FSTL5: variants seen among roughly 807,000 people sequenced by gnomAD.
The protein encoded by FSTL5 is follistatin-related protein 5.
In FSTL5, 62 loss-of-function variants were observed where a neutral mutation model predicts 89.1. The observed-to-expected ratio is 0.70, with a 90% CI of 0.57 to 0.86. The LOEUF (loss-of-function observed/expected upper bound fraction) is 0.86. Ranked by LOEUF, FSTL5 falls within the 40% of genes least tolerant of loss-of-function variation. FSTL5 has a pLI of 0.00. For synonymous variants in FSTL5, 383 were observed against 346.2 expected (o/e 1.11, Z -1.18); for missense variants, 1,057 against 1,001.6 (o/e 1.06, Z -0.75).
chr4:162,084,939 CT>C (rs1011825921), intron 2 of FSTL5, among the ~76,000 whole-genome samples: 1 of 151,912 alleles, frequency 6.6e-6, no homozygotes, highest in Non-Finnish European at 1.5e-5. Context: ...CATATTTAAA[CT>C]TTTAAATGTA....
chr4:161,923,372 T>A (rs1734043359), intron 3 of FSTL5, among the ~76,000 whole-genome samples: 1 of 151,762 alleles, frequency 6.6e-6, no homozygotes, highest in South Asian at 2.1e-4. Context: ...AGTAGAAAAA[T>A]ACTTTAATGT....
chr4:161,418,256 T>C (rs1731854074), intron 15 of FSTL5, among the ~76,000 whole-genome samples: 1 of 152,124 alleles, frequency 6.6e-6, no homozygotes, highest in African/African-American at 2.4e-5. Context: ...GCCAGGATAA[T>C]CTCTGTCCGC....
chr4:162,102,200 G>GA (rs1027114568), intron 2 of FSTL5, among the ~76,000 whole-genome samples: 9 of 146,962 alleles, frequency 6.1e-5, no homozygotes, highest in Middle Eastern at 3.5e-3. Context: ...AAGTCCAACA[G>GA]AAAAAAAAAA....
chr4:161,842,123 T>C (rs2126872577), intron 4 of FSTL5, among the ~76,000 whole-genome samples: 1 of 152,246 alleles, frequency 6.6e-6, no homozygotes, highest in Admixed American at 6.5e-5. Flanking sequence ...TGATGGTGAT[T>C]ATTGTATTTT....
intron 15 of FSTL5, among the ~76,000 whole-genome samples, chr4:161,435,010 T>C (rs1038735464): frequency 1.3e-5 from 2 of 152,206 alleles, no homozygotes; most frequent in Admixed American, 6.5e-5. Context: ...GGGAATAGTT[T>C]GGAAGTCCCT....
chr4:161,843,838 A>C (rs1731284590), intron 4 of FSTL5, among the ~76,000 whole-genome samples: 1 of 152,150 alleles, frequency 6.6e-6, no homozygotes, highest in Admixed American at 6.6e-5. Context: ...ACCATAAAAA[A>C]ACCCTAGAAG....
intron 2 of FSTL5, among the ~76,000 whole-genome samples, chr4:162,079,313 C>A (rs1281212301): frequency 1.3e-5 from 2 of 151,590 alleles, no homozygotes; most frequent in East Asian, 3.9e-4. Context: ...ATGTCTATTT[C>A]TGGGCATATC....
intron 6 of FSTL5, among the ~76,000 whole-genome samples, chr4:161,719,933 C>T (rs1199828095): frequency 6.6e-6 from 1 of 152,020 alleles, no homozygotes; most frequent in East Asian, 1.9e-4. Flanking sequence ...AAACGTAAGA[C>T]TCAAAACTTT....
intron 10 of FSTL5, among the ~76,000 whole-genome samples, chr4:161,520,754 T>C (rs1730995378): frequency 6.6e-6 from 1 of 152,172 alleles, no homozygotes; most frequent in South Asian, 2.1e-4. Context: ...AATTTTGATA[T>C]CAAAAATTGA....
chr4:162,146,882 A>G (rs1438109007), intron 1 of FSTL5, among the ~76,000 whole-genome samples: 1 of 151,528 alleles, frequency 6.6e-6, no homozygotes, highest in Non-Finnish European at 1.5e-5. Context: ...CCCAGGTTTG[A>G]GTGATTCTCC....
In FSTL5 at chr4:161,565,654, T is replaced by C. The variant is rs1385421799; in HGVS notation, c.1015+21801A>G. 1.5e-4 allele frequency among the ~76,000 whole-genome samples: 22 copies of C among 151,394 alleles called. No individual in the cohort carries two copies. In the Admixed American group the frequency reaches 1.5e-3, roughly 10 times the overall value. ...GTGGGTCAGAAAAATATCTTTGCTATGGCATGAAAACACTTAATTGTTAAC... is the reference window on the plus strand; with the variant it reads ...GTGGGTCAGAAAAATATCTTTGCTACGGCATGAAAACACTTAATTGTTAAC... On this transcript the variant is annotated intron_variant, in intron 8 of 15. Transcript: ENST00000306100.
intron 6 of FSTL5, among the ~76,000 whole-genome samples, chr4:161,675,634 C>T (rs1017105050): frequency 6.6e-6 from 1 of 151,504 alleles, no homozygotes; most frequent in Non-Finnish European, 1.5e-5. Context: ...TTTTAAAATT[C>T]TAGTTAGACA....
chr4:161,828,414 T>A (rs1282559686), intron 4 of FSTL5, among the ~76,000 whole-genome samples: 1 of 152,192 alleles, frequency 6.6e-6, no homozygotes, highest in Non-Finnish European at 1.5e-5. Flanking sequence ...AAGTTCTAGA[T>A]GTATGTGTTT....
intron 7 of FSTL5, among the ~76,000 whole-genome samples, chr4:161,652,725 A>C (rs1333421127): frequency 6.6e-6 from 1 of 152,128 alleles, no homozygotes; most frequent in Admixed American, 6.6e-5. Flanking sequence ...TTTTTAAAAT[A>C]CATCTATATT....
At chr4:161,545,840 G>GAAATCAAATT (rs1283745379) in intron 8 of FSTL5, among the ~76,000 whole-genome samples, 1 of 151,872 alleles carries the variant, frequency 6.6e-6, no homozygotes, top group Admixed American at 6.6e-5. Flanking sequence ...AATGGTTGAT[G>GAAATCAAATT]AAATCAAATT....
In FSTL5 at chr4:161,656,507, A is replaced by G. The variant is rs1392081087; in HGVS notation, c.728-13T>C. 1 of 1,511,234 alleles carries G rather than the reference A, an allele frequency of 6.6e-7. No homozygotes were observed. Among genetic ancestry groups the G allele is most frequent in the Non-Finnish European group, 8.9e-7 (1 of 1,129,712 alleles). 93.6% of individuals were successfully genotyped at this position (1,511,234 alleles called of 1,614,324 possible). A position where few individuals can be genotyped will look rare whatever the true frequency, so the allele number is the denominator to read the frequency against. ...AACTGGATCACTTCTGTAAAGATGA[A>G]GTGTCAGTAATGTTGATGAGCATTT... On this transcript the variant is annotated splice_polypyrimidine_tract_variant and intron_variant, in intron 6 of 15. Transcript: ENST00000306100.
chr4:161,884,902 A>AT (rs1426047982), intron 4 of FSTL5, among the ~76,000 whole-genome samples: 1 of 152,168 alleles, frequency 6.6e-6, no homozygotes, highest in African/African-American at 2.4e-5. Flanking sequence ...TATCAGGAAA[A>AT]TTTAGATGAA....
chr4:161,474,950 T>C (rs1000795789), intron 13 of FSTL5, among the ~76,000 whole-genome samples: 1 of 152,158 alleles, frequency 6.6e-6, no homozygotes, highest in African/African-American at 2.4e-5. Flanking sequence ...AACTCAGCTA[T>C]TGTGTATCTG....
intron 4 of FSTL5, among the ~76,000 whole-genome samples, chr4:161,792,030 C>G (rs1729494414): frequency 6.6e-6 from 1 of 152,168 alleles, no homozygotes; most frequent in African/African-American, 2.4e-5. Flanking sequence ...CCAGCTGCAG[C>G]TGTGGACCCA....
Sources: allele counts gnomAD v4.1 joint callset (sites outside exome capture counted in the v4.1 genomes callset), GRCh38; gene constraint gnomAD v4.1.1; transcripts MANE v1.5; gene names NCBI Gene and HGNC (gene_info 2026-07-23, HGNC 2026-07-21).